CENPH: variants seen among roughly 807,000 people sequenced by gnomAD.
CENPH encodes the protein centromere protein H, also known as CENP-H.
CENPH carries 40 observed loss-of-function variants against 42.9 expected under a neutral mutation model. The ratio of observed to expected loss-of-function variants is 0.93; its 90% CI spans 0.72 to 1.21. The LOEUF (loss-of-function observed/expected upper bound fraction) is 1.21, where lower values mean the gene tolerates loss of function less well. Ranked by LOEUF, CENPH falls within the 50% of genes most tolerant of loss-of-function variation. CENPH has a pLI of 0.00. For missense variants in CENPH, 302 were observed against 292.9 expected, an observed-to-expected ratio of 1.03 and a Z score of -0.23; for synonymous variants, 88 against 96.5, an observed-to-expected ratio of 0.91 and a Z score of 0.52.
At chr5:69,195,846 A>G in intron 4 of CENPH, 55 bp downstream of exon 4, 1 of 836,250 alleles carries the variant, frequency 1.2e-6, no homozygotes. Flanking sequence ...AATGGGTATG[A>G]GGGGAAAGTG....
At chr5:69,202,026 G>C (rs28616082) in intron 5 of CENPH, among the ~76,000 whole-genome samples, 23,194 of 152,110 alleles carry the variant, frequency 0.15, 1,911 homozygotes, top group African/African-American at 0.21. Context: ...CAGGGGTAGG[G>C]TGTATATGAG....
intron 5 of CENPH, among the ~76,000 whole-genome samples, chr5:69,200,792 G>A (rs1748047178): frequency 1.1e-5 from 1 of 94,228 alleles, no homozygotes. Flanking sequence ...CTGGAGTGCA[G>A]TGGCACGATC....
chr5:69,194,914 C>CTT (rs999372827), intron 3 of CENPH, among the ~76,000 whole-genome samples: 1 of 143,434 alleles, frequency 7.0e-6, no homozygotes. Context: ...ACCTGACTTT[C>CTT]TTTCTTTTTT....
intron 7 of CENPH, among the ~76,000 whole-genome samples, chr5:69,203,474 C>T (rs191398887): frequency 6.6e-6 from 1 of 152,170 alleles, no homozygotes; most frequent in Non-Finnish European, 1.5e-5. Context: ...TTGAGCAATT[C>T]TTGTGCCTCA....
rs143283076 is a variant in CENPH at position 69,206,382 on chromosome 5, C to T, written c.488-1814C>T. ...TTTTAGTAGAGACGGGGTTTCTCCA[C>T]ATTGGTCCGGCTGGTCTCGAACTCC... is the stretch of plus-strand genomic sequence containing the variant. On this transcript the variant is annotated intron_variant, in intron 7 of 8. Transcript: ENST00000283006. Among the ~76,000 whole-genome samples, 527 of 151,292 alleles carry T rather than the reference C, an allele frequency of 3.5e-3. 3 individuals carry two copies. The highest frequency in any genetic ancestry group is 0.012 in the African/African-American group (491 of 41,212).
chr5:69,206,898 G>A (rs1349617221), intron 7 of CENPH, among the ~76,000 whole-genome samples: 3 of 151,934 alleles, frequency 2.0e-5, no homozygotes, highest in Non-Finnish European at 4.4e-5. Flanking sequence ...GTTTTTTTAA[G>A]TAGAATCAGG....
chr5:69,203,993 T>TAG lies in CENPH; in HGVS notation c.487+1031_487+1032dup, dbSNP rs201121049. On this transcript the variant is annotated intron_variant, in intron 7 of 8. Transcript: ENST00000283006. ...ACATGGAAATTTCTATATATATATA[T>TAG]AGAGAGAGAATTTCTATATATATAT... 9.2e-3 allele frequency among the ~76,000 whole-genome samples: 1,117 copies of TAG among 121,570 alleles called. 101 individuals are homozygous for TAG. The East Asian group carries it at 0.2, about 22-fold the overall frequency. The allele number at this position is 121,570 out of a possible 152,430, so 79.8% of individuals were successfully genotyped here. A position where few individuals can be genotyped will look rare whatever the true frequency, so the allele number is the denominator to read the frequency against.
chr5:69,208,292 TA>T lies in CENPH; in HGVS notation c.587del (p.Lys196ArgfsTer11), dbSNP rs1580231357. On this transcript the variant is annotated frameshift_variant, in exon 8 of 9. Coordinates refer to ENST00000283006, the MANE Select transcript of CENPH (RefSeq NM_022909.4). LOFTEE classifies it high-confidence loss of function. The stretch of plus-strand genomic sequence containing the variant: ...GACAGTATGGAAAACTCAGAGAGGA[TA>T]AAGATCATACGACAAAACCTACAGA... ...DLDSMENSER[I>X]KIIRQNLQME... The T allele has an allele frequency of 1.9e-6, 3 of 1,599,490 alleles. No individual in the cohort carries two copies. Among genetic ancestry groups the T allele is most frequent in the Non-Finnish European group, 2.6e-6 (3 of 1,166,876 alleles).
Position 69,193,310 on chromosome 5 carries a change from A to T in CENPH, c.191-1337A>T, listed in dbSNP as rs112172791. 8.9e-4 allele frequency among the ~76,000 whole-genome samples: 135 copies of T among 152,098 alleles called. 2 individuals are homozygous for T. Among genetic ancestry groups the T allele is most frequent in the African/African-American group, 3.2e-3 (131 of 41,510 alleles). ...TTTGATGAGTTTTGACAAATTTCTA[A>T]ATCTGTATAATCACTACCACAATCA... On this transcript the variant is annotated intron_variant, in intron 2 of 8. Coordinates refer to ENST00000283006, the MANE Select transcript of CENPH (RefSeq NM_022909.4).
intron 2 of CENPH, among the ~76,000 whole-genome samples, chr5:69,194,283 C>G (rs1025873409): frequency 6.6e-6 from 1 of 151,998 alleles, no homozygotes; most frequent in South Asian, 2.1e-4. Context: ...CTCAGCCTCC[C>G]GAGTAGCTGG....
chr5:69,203,525 C>T (rs893817794), intron 7 of CENPH, among the ~76,000 whole-genome samples: 10 of 152,102 alleles, frequency 6.6e-5, no homozygotes, highest in African/African-American at 2.4e-4. Flanking sequence ...TCCTATCACA[C>T]CTGGCTAGTT....
chr5:69,192,557 T>A (rs1165100547), intron 2 of CENPH, among the ~76,000 whole-genome samples: 1 of 152,086 alleles, frequency 6.6e-6, no homozygotes, highest in African/African-American at 2.4e-5. Context: ...GACAAGAAGA[T>A]CACTTGAAGC....
Position 69,195,777 on chromosome 5 carries a change from G to A in CENPH, c.300G>A (p.Lys100=), listed in dbSNP as rs201323177. The A allele has an allele frequency of 6.6e-7, 1 of 1,524,652 alleles. No individual in the cohort carries two copies. The highest frequency in any genetic ancestry group is 9.0e-7 in the Non-Finnish European group (1 of 1,117,004). The allele number at this position is 1,524,652 out of a possible 1,614,324, so 94.4% of individuals were successfully genotyped here. ...EEVKVAFEIK[K]LALDRMRLST... ...TAAAAGTTGCTTTTGAGATAAAAAA[G>A]CTTGCATTAGACAGGTAATTATTAC... is the stretch of plus-strand genomic sequence containing the variant. Residue 100 remains lysine (K), a synonymous_variant, in exon 4 of 9, where the codon AAG becomes AAA. Coordinates refer to ENST00000283006, the MANE Select transcript of CENPH (RefSeq NM_022909.4).
Position 69,197,061 on chromosome 5 carries a change from T to C in CENPH, c.323T>C (p.Leu108Pro). ...IKKLALDRMRLSTALKKNLEK... is the reference protein window; with the variant it reads ...IKKLALDRMRPSTALKKNLEK... ...CTTTTTCCCTCTCATAGGATGAGACTTTCAACTGCACTTAAAAAAAACCTG... is the reference window on the plus strand; with the variant it reads ...CTTTTTCCCTCTCATAGGATGAGACCTTCAACTGCACTTAAAAAAAACCTG... The change falls in exon 5 of 9, where the codon CTT (leucine) becomes CCT (proline). Residue 108 changes from leucine to proline, a missense_variant. Leu to Pro is a moderately conservative substitution (Grantham distance 98, BLOSUM62 -3). Coordinates refer to ENST00000283006, the MANE Select transcript of CENPH (RefSeq NM_022909.4). The C allele has an allele frequency of 6.3e-7, 1 of 1,575,752 alleles. No individual in the cohort carries two copies. Among genetic ancestry groups the C allele is most frequent in the Non-Finnish European group, 8.6e-7 (1 of 1,167,878 alleles).
chr5:69,192,908 C>A (rs1259139140), intron 2 of CENPH, among the ~76,000 whole-genome samples: 1 of 152,044 alleles, frequency 6.6e-6, no homozygotes, highest in Non-Finnish European at 1.5e-5. Context: ...ACCAGCCTGA[C>A]CAACGTAGAG....
intron 2 of CENPH, among the ~76,000 whole-genome samples, chr5:69,193,872 T>G (rs1747920627): frequency 6.6e-6 from 1 of 151,838 alleles, no homozygotes; most frequent in Admixed American, 6.6e-5. Context: ...GCTGGTCTCT[T>G]AACTCCTGAC....
chr5:69,192,193 G>T (rs1379115625), intron 2 of CENPH, among the ~76,000 whole-genome samples: 1 of 152,128 alleles, frequency 6.6e-6, no homozygotes, highest in African/African-American at 2.4e-5. Flanking sequence ...GTTATAGTGT[G>T]GCAAAACTGG....
intron 4 of CENPH, among the ~76,000 whole-genome samples, chr5:69,196,105 A>AT (rs1304298603): frequency 1.3e-5 from 2 of 151,788 alleles, no homozygotes; most frequent in Admixed American, 6.6e-5. Flanking sequence ...CGCTTGGCTA[A>AT]TTTTTTTTAT....
At position 69,189,628 on chromosome 5, in the gene CENPH, A is replaced by G; in HGVS notation, c.-7A>G. 1 of 1,597,232 alleles carries G rather than the reference A, an allele frequency of 6.3e-7. No individual in the cohort carries two copies. Among genetic ancestry groups the G allele is most frequent in the Non-Finnish European group, 8.5e-7 (1 of 1,174,842 alleles). On this transcript the variant is annotated 5_prime_UTR_variant, in exon 1 of 9. Coordinates refer to ENST00000283006, the MANE Select transcript of CENPH (RefSeq NM_022909.4). ...TGTTGAGTGGTAGCCTTTCCCCTCA[A>G]CCAGCAATGGAGGAGCAGCCCCAGA...
Sources: allele counts gnomAD v4.1 joint callset (sites outside exome capture counted in the v4.1 genomes callset), GRCh38; gene constraint gnomAD v4.1.1; transcripts MANE v1.5; gene names NCBI Gene and HGNC (gene_info 2026-07-23, HGNC 2026-07-21).